RNF20: variants seen among roughly 807,000 people sequenced by gnomAD.
RNF20 encodes the protein E3 ubiquitin-protein ligase BRE1A.
Under a neutral mutation model 126.2 loss-of-function variants are expected in RNF20, and 84 were observed. The ratio of observed to expected loss-of-function variants is 0.67; its 90% confidence interval spans 0.56 to 0.80. RNF20 has a LOEUF of 0.80. RNF20 is among the 30% of genes least tolerant of loss of function. The pLI is 0.00. For missense variants in RNF20, 869 were observed against 1,188.2 expected (o/e 0.73, Z 3.95); for synonymous variants, 400 against 414.3 (o/e 0.97, Z 0.42).
At chr9:101,554,953 G>A (rs1827510412) in intron 15 of RNF20, 110 bp downstream of exon 15, 1 of 721,422 alleles carries the variant, frequency 1.4e-6, no homozygotes, top group Non-Finnish European at 2.0e-6. Context: ...GATTGTTAAT[G>A]TGTATTTTTC....
rs533401597 is a variant in RNF20, at chr9:101,547,028, C to T, written c.894+62C>T. ...TTTAAGGAGTGTTCTCAGGAAGACT[C>T]ACCTTGGGGCATGGTATTTGAGGAA... On this transcript the variant is annotated intron_variant, in intron 7 of 19. Coordinates refer to ENST00000389120, the MANE Select transcript of RNF20 (RefSeq NM_019592.7). 57 of 1,605,652 alleles carry T rather than the reference C, an allele frequency of 3.5e-5. No individual in the cohort carries two copies. The East Asian group carries it at 1.0e-3, about 29-fold the overall frequency.
chr9:101,561,560 C>T (rs1017428388), intron 18 of RNF20: 54 of 400,972 alleles, frequency 1.3e-4, no homozygotes, highest in Admixed American at 3.5e-4. Flanking sequence ...CTCATGATGT[C>T]TTTCTGTCTT....
intron 16 of RNF20, 135 bp from the exon 17 acceptor site, chr9:101,560,665 AG>A (rs1827611478): frequency 1.5e-6 from 1 of 682,940 alleles, no homozygotes; most frequent in Admixed American, 3.5e-5. Flanking sequence ...TGTATTTTGA[AG>A]GGTTCATGGG....
chr9:101,552,288 T>C, intron 12 of RNF20, 26 bp downstream of exon 12: 1 of 1,614,020 alleles, frequency 6.2e-7, no homozygotes, highest in Non-Finnish European at 8.5e-7. Context: ...AGAATAAATA[T>C]CATTTGCTAT....
intron 5 of RNF20, among the ~76,000 whole-genome samples, chr9:101,542,905 C>T (rs755567679): frequency 6.6e-6 from 1 of 152,160 alleles, no homozygotes; most frequent in Non-Finnish European, 1.5e-5. Flanking sequence ...GCTGAACTTT[C>T]TAAGAGATAA....
chr9:101,562,276 C>T lies in RNF20; in HGVS notation c.2782C>T (p.Arg928Cys), dbSNP rs1450052660. The change falls in exon 20 of 20, where the codon CGT (arginine) becomes TGT (cysteine). Residue 928 changes from arginine (R) to cysteine (C), a missense_variant. Transcript: ENST00000389120. Reference sequence around the variant, plus strand: ...CTTGACCTGTCCGTGCTGTAACATGCGTAAAAAGGATGCTGTTCTTACTAA... The same window carrying T: ...CTTGACCTGTCCGTGCTGTAACATGTGTAAAAAGGATGCTGTTCTTACTAA... ...ARLTCPCCNM[R>C]KKDAVLTKCF... is the part of the protein sequence containing the mutation. 6.2e-7 allele frequency: 1 copy of T among 1,613,866 alleles called. No individual in the cohort carries two copies. The highest frequency in any genetic ancestry group is 8.5e-7 in the Non-Finnish European group (1 of 1,179,896).
intron 6 of RNF20, among the ~76,000 whole-genome samples, chr9:101,545,311 T>G (rs1300532167): frequency 6.6e-6 from 1 of 152,248 alleles, no homozygotes; most frequent in Non-Finnish European, 1.5e-5. Flanking sequence ...CATTTTGATT[T>G]AGTTCAAAAT....
At chr9:101,549,730 G>A (rs1827411681) in intron 9 of RNF20, among the ~76,000 whole-genome samples, 1 of 152,292 alleles carries the variant, frequency 6.6e-6, no homozygotes, top group East Asian at 1.9e-4. Context: ...GCCCTGTCTG[G>A]GCATAACAGA....
Position 101,547,062 on chromosome 9 carries a change from AT to A in RNF20, c.895-74del, listed in dbSNP as rs1388204919. ...GCATGGTATTTGAGGAAAAAATCTCATCCTTTGAAGGTACATTGGTTATAGA... is the reference window on the plus strand; with the variant it reads ...GCATGGTATTTGAGGAAAAAATCTCACCTTTGAAGGTACATTGGTTATAGA... On this transcript the variant is annotated intron_variant, in intron 7 of 19. Transcript: ENST00000389120. 9 of 1,601,672 alleles carry A rather than the reference AT, an allele frequency of 5.6e-6. No homozygotes were observed. In the African/African-American group the frequency reaches 1.1e-4, roughly 19 times the overall value.
At position 101,543,571 on chromosome 9, in the gene RNF20, C is replaced by T. The variant is rs544247087; in HGVS notation, c.629-1196C>T. On this transcript the variant is annotated intron_variant, in intron 5 of 19. Coordinates refer to ENST00000389120, the MANE Select transcript of RNF20 (RefSeq NM_019592.7). Reference sequence around the variant, plus strand: ...GTCTAACCTGCCAGGGCGGCACTGTCTAACCTGCCAGAGCGGCACTGTCTA... The same window carrying T: ...GTCTAACCTGCCAGGGCGGCACTGTTTAACCTGCCAGAGCGGCACTGTCTA... 1.2e-3 allele frequency among the ~76,000 whole-genome samples: 172 copies of T among 148,832 alleles called. 1 individual carries two copies. Among genetic ancestry groups the T allele is most frequent in the African/African-American group, 4.0e-3 (161 of 40,246 alleles).
At position 101,536,152 on chromosome 9, in the gene RNF20, A is replaced by C. The variant is rs146354259; in HGVS notation, c.129+600A>C. 6.1e-4 allele frequency among the ~76,000 whole-genome samples: 93 copies of C among 152,382 alleles called. 1 individual carries two copies. In the East Asian group the frequency reaches 0.014, roughly 23 times the overall value. On this transcript the variant is annotated intron_variant, in intron 2 of 19. Transcript: ENST00000389120. ...GCATTCATAGCTAATATTGGGCTAG[A>C]TAATATAATGGTGCATAACATAGAT...
At position 101,547,214 on chromosome 9, in the gene RNF20, G is replaced by C; in HGVS notation, c.972G>C (p.Lys324Asn). ...GCACAATCACTATCAATGCTCGGAA[G>C]GTAAAATCAGTGACTCAGGACATGT... Reference protein sequence around the residue: ...YGGTITINARKFEEMNAELEE... With the variant: ...YGGTITINARNFEEMNAELEE... Residue 324 changes from lysine (K) to asparagine (N), a missense_variant and splice_region_variant, in exon 8 of 20, where the codon AAG becomes AAC. Coordinates refer to ENST00000389120, the MANE Select transcript of RNF20 (RefSeq NM_019592.7). 6.2e-7 allele frequency: 1 copy of C among 1,614,008 alleles called. No individual in the cohort carries two copies. Among genetic ancestry groups the C allele is most frequent in the Non-Finnish European group, 8.5e-7 (1 of 1,179,904 alleles).
At position 101,552,001 on chromosome 9, in the gene RNF20, G is replaced by A. The variant is rs1449854675; in HGVS notation, c.1409-140G>A. On this transcript the variant is annotated intron_variant, in intron 11 of 19. Transcript: ENST00000389120. ...TTTTTAACTCAAGTTGACCAGTTTT[G>A]TTTTCATCTTCTGAGAAGGAATCTT... is the stretch of plus-strand genomic sequence containing the variant. 27 of 1,328,086 alleles carry A rather than the reference G, an allele frequency of 2.0e-5. No individual in the cohort carries two copies. In the Admixed American group the frequency reaches 4.3e-4, roughly 21 times the overall value. 82.3% of individuals were successfully genotyped at this position (1,328,086 alleles called of 1,614,324 possible).
Position 101,552,667 on chromosome 9 carries a change from T to G in RNF20, c.1815T>G (p.Asp605Glu), listed in dbSNP as rs1255177832. Residue 605 changes from aspartate to glutamate, a missense_variant, in exon 13 of 20, where the codon GAT becomes GAG. Physicochemically the swap from Asp to Glu is conservative, Grantham distance 45 (BLOSUM62 2). Coordinates refer to ENST00000389120, the MANE Select transcript of RNF20 (RefSeq NM_019592.7). Reference sequence around the variant, plus strand: ...TAAAAGAGTCAGAAAAAGAGAGAGATTCTGCTAAGGATAAAGAGAAAGGCA... The same window carrying G: ...TAAAAGAGTCAGAAAAAGAGAGAGAGTCTGCTAAGGATAAAGAGAAAGGCA... ...QKLKESEKER[D>E]SAKDKEKGKH... 1 of 1,523,774 alleles carries G rather than the reference T, an allele frequency of 6.6e-7. No individual in the cohort carries two copies. The highest frequency in any genetic ancestry group is 1.7e-5 in the Admixed American group (1 of 59,900). The allele number at this position is 1,523,774 out of a possible 1,614,324, so 94.4% of individuals were successfully genotyped here.
In RNF20 at chr9:101,540,316, A is replaced by G. The variant is rs775041387; in HGVS notation, c.243A>G (p.Arg81=). ...ELREHIEKLE[R]RQATDDASLL... is the part of the protein sequence containing the mutation. The stretch of plus-strand genomic sequence containing the variant: ...GTGAGCACATTGAAAAACTGGAACG[A>G]CGACAGGCCACTGATGATGCCTCAC... Residue 81 remains arginine, a synonymous_variant, in exon 3 of 20, where the codon CGA becomes CGG. Transcript: ENST00000389120. The G allele has an allele frequency of 5.0e-6, 8 of 1,614,096 alleles. No homozygotes were observed. The South Asian group carries it at 7.7e-5, about 16-fold the overall frequency.
chr9:101,555,272 A>G (rs1012936068), intron 15 of RNF20, among the ~76,000 whole-genome samples: 4 of 151,878 alleles, frequency 2.6e-5, no homozygotes, highest in Non-Finnish European at 5.9e-5. Context: ...TCTATGTAGT[A>G]CATATACTAC....
intron 6 of RNF20, among the ~76,000 whole-genome samples, chr9:101,545,898 G>A (rs1827339634): frequency 6.6e-6 from 1 of 152,148 alleles, no homozygotes; most frequent in South Asian, 2.1e-4. Flanking sequence ...ATGGCTGGCT[G>A]TTGATGCTGC....
In RNF20 at chr9:101,554,726, G is replaced by A; in HGVS notation, c.2052G>A (p.Leu684=). 1 of 1,609,844 alleles carries A rather than the reference G, an allele frequency of 6.2e-7. No homozygotes were observed. Among genetic ancestry groups the A allele is most frequent in the Non-Finnish European group, 8.5e-7 (1 of 1,177,326 alleles). The change falls in exon 15 of 20, where the codon CTG becomes CTA. Residue 684 remains leucine, a synonymous_variant. Coordinates refer to ENST00000389120, the MANE Select transcript of RNF20 (RefSeq NM_019592.7). ...LEDLRQRLKD[L]EDKEKKENKK... ...ATCTAAGGCAAAGACTCAAGGATCT[G>A]GAAGATAAAGAGAAGAAAGAGAACA... is the stretch of plus-strand genomic sequence containing the variant.
chr9:101,552,778 G>A, intron 13 of RNF20, 25 bp downstream of exon 13: 1 of 1,565,870 alleles, frequency 6.4e-7, no homozygotes, highest in Non-Finnish European at 8.6e-7. Context: ...TAGAGTAACA[G>A]TTTCGACTGA....
Sources: allele counts gnomAD v4.1 joint callset (sites outside exome capture counted in the v4.1 genomes callset), GRCh38; gene constraint gnomAD v4.1.1; transcripts MANE v1.5; gene names NCBI Gene and HGNC (gene_info 2026-07-23, HGNC 2026-07-21).